TEF: variants seen among roughly 807,000 people sequenced by gnomAD.
TEF encodes thyrotroph embryonic factor.
Under a neutral mutation model 20.8 loss-of-function variants are expected in TEF, and 3 were observed. That is an observed-to-expected ratio of 0.14 (90% CI 0.07 to 0.37). The LOEUF is 0.37. Among genes scored for constraint, TEF ranks in the 10% least tolerant of loss-of-function variants. TEF has a pLI of 1.00. For synonymous variants in TEF, 180 were observed against 171.1 expected (o/e 1.05, Z -0.41); for missense variants, 296 against 397.9 (o/e 0.74, Z 2.18).
chr22:41,368,113 C>T (rs534883004), intron 1 of TEF, among the ~76,000 whole-genome samples: 49 of 152,192 alleles, frequency 3.2e-4, no homozygotes, highest in Non-Finnish European at 4.7e-4. Flanking sequence ...CGAAGCCCTG[C>T]GTTCCTAGGA....
intron 1 of TEF, chr22:41,367,665 C>A: frequency 1.3e-6 from 2 of 1,488,360 alleles, no homozygotes; most frequent in Non-Finnish European, 9.1e-7. Context: ...GGGGCAGCCA[C>A]AGGCACAGTG....
At chr22:41,382,377 T>C (rs2037043296) in intron 1 of TEF, among the ~76,000 whole-genome samples, 176 bp downstream of exon 1, 1 of 148,764 alleles carries the variant, frequency 6.7e-6, no homozygotes, top group Non-Finnish European at 1.5e-5. Flanking sequence ...GGACAGAGGG[T>C]CAGGGGCGGG....
chr22:41,377,002 T>C (rs1231900614), upstream of TEF, among the ~76,000 whole-genome samples: 1 of 152,068 alleles, frequency 6.6e-6, no homozygotes, highest in African/African-American at 2.4e-5. Flanking sequence ...TTGTTTCTTG[T>C]TTTTGGTTTT....
At chr22:41,378,165 CTTTTTTTTT>C (rs1227353344), upstream of TEF, among the ~76,000 whole-genome samples, 12 of 89,468 alleles carry the variant, frequency 1.3e-4, no homozygotes, top group African/African-American at 4.2e-4. Flanking sequence ...CCTTAGCTTC[CTTTTTTTTT>C]TTTTTTTTTT....
intron 1 of TEF, chr22:41,383,103 C>T: frequency 2.2e-6 from 1 of 460,554 alleles, no homozygotes; most frequent in Non-Finnish European, 4.5e-6. Context: ...CTTTGCATTT[C>T]CAAGAGCCAT....
chr22:41,376,843 C>A (rs1225423271), intron 1 of TEF, among the ~76,000 whole-genome samples: 1 of 152,218 alleles, frequency 6.6e-6, no homozygotes, highest in Non-Finnish European at 1.5e-5. Flanking sequence ...GCGTATCCAT[C>A]TCTGTTTCCA....
Position 41,394,193 on chromosome 22 carries a change from G to A in TEF, c.573G>A (p.Val191=). 1 of 1,614,164 alleles carries A rather than the reference G, an allele frequency of 6.2e-7. No individual in the cohort carries two copies. Among genetic ancestry groups the A allele is most frequent in the East Asian group, 2.2e-5 (1 of 44,892 alleles). ...VNFNPDPADL[V]LSSVPGGELF... is the part of the protein sequence containing the mutation. ...TCAATCCGGACCCCGCCGACCTGGT[G>A]CTCTCCAGTGTGCCAGGCGGGGAGC... The change falls in exon 3 of 4, where the codon GTG becomes GTA. Residue 191 remains valine (V), a synonymous_variant. Transcript: ENST00000266304.
At chr22:41,371,948 A>T (rs1035049510) in intron 1 of TEF, among the ~76,000 whole-genome samples, 4 of 152,038 alleles carry the variant, frequency 2.6e-5, no homozygotes, top group African/African-American at 7.2e-5. Flanking sequence ...ATGAGCCGAG[A>T]GTGTGGACTC....
chr22:41,392,922 C>A (rs546426783), intron 2 of TEF, among the ~76,000 whole-genome samples: 1 of 150,884 alleles, frequency 6.6e-6, no homozygotes, highest in South Asian at 2.1e-4. Flanking sequence ...CTGTTGTCTC[C>A]ACTACTCGGG....
chr22:41,367,625 A>G, intron 1 of TEF: 1 of 1,549,886 alleles, frequency 6.5e-7, no homozygotes, highest in Non-Finnish European at 8.7e-7. Flanking sequence ...ACCTGCATTG[A>G]TTGGCTGCCC....
chr22:41,376,125 T>C (rs1439454127), intron 1 of TEF, among the ~76,000 whole-genome samples: 1 of 152,252 alleles, frequency 6.6e-6, no homozygotes, highest in Non-Finnish European at 1.5e-5. Context: ...GTTGGAGTTT[T>C]AGCTCCTCTA....
chr22:41,394,875 T>C (rs2037208603), intron 3 of TEF, among the ~76,000 whole-genome samples: 1 of 152,192 alleles, frequency 6.6e-6, no homozygotes, highest in Non-Finnish European at 1.5e-5. Flanking sequence ...AAGTTCCTCA[T>C]CTGTAAAACG....
At chr22:41,370,377 T>A (rs2097611448) in intron 1 of TEF, among the ~76,000 whole-genome samples, 1 of 150,518 alleles carries the variant, frequency 6.6e-6, no homozygotes, top group Non-Finnish European at 1.5e-5. Context: ...CCTCCCGAAG[T>A]GCTGGGATTA....
intron 1 of TEF, chr22:41,369,228 C>G (rs758902406): frequency 1.3e-4 from 132 of 985,302 alleles, no homozygotes; most frequent in Non-Finnish European, 1.5e-4. Context: ...CCCAGCTGGT[C>G]TGTGGGGCCC....
At chr22:41,393,327 C>T (rs967909661) in intron 2 of TEF, among the ~76,000 whole-genome samples, 2 of 139,700 alleles carry the variant, frequency 1.4e-5, no homozygotes, top group African/African-American at 5.4e-5. Flanking sequence ...GGTGACAGAG[C>T]AAGACCCTGT....
At chr22:41,383,111 C>T (rs949482185) in intron 1 of TEF, 1 of 456,680 alleles carries the variant, frequency 2.2e-6, no homozygotes, top group South Asian at 1.6e-5. Context: ...TTCCAAGAGC[C>T]ATCAGTTATT....
At chr22:41,367,484 C>T (rs558942940) in exon 1 of TEF, 7 of 1,534,522 alleles carry the variant, frequency 4.6e-6, no homozygotes, top group Non-Finnish European at 6.2e-6. Flanking sequence ...GGAGCAAGCA[C>T]CTCCTGCTGG....
intron 2 of TEF, among the ~76,000 whole-genome samples, chr22:41,388,624 A>G (rs1226256859): frequency 6.6e-6 from 1 of 151,530 alleles, no homozygotes; most frequent in East Asian, 1.9e-4. Context: ...GGCCAGGACA[A>G]ACATCATCTT....
In TEF at chr22:41,395,571, C is replaced by T. The variant is rs140071864; in HGVS notation, c.697-174C>T. Among the ~76,000 whole-genome samples, 860 of 152,184 alleles carry T rather than the reference C, an allele frequency of 5.7e-3. 13 individuals carry two copies. The highest frequency in any genetic ancestry group is 0.018 in the African/African-American group (760 of 41,542). ...TAACTTTTGTTTCTCGTCCTGCCCC[C>T]GAGGAAAGGGCAGTGCCCTCAATGT... On this transcript the variant is annotated intron_variant, in intron 3 of 3. Coordinates refer to ENST00000266304, the MANE Select transcript of TEF (RefSeq NM_003216.4).
Sources: allele counts gnomAD v4.1 joint callset (sites outside exome capture counted in the v4.1 genomes callset), GRCh38; gene constraint gnomAD v4.1.1; transcripts MANE v1.5; gene names NCBI Gene and HGNC (gene_info 2026-07-23, HGNC 2026-07-21).